VWA3B: variants seen among roughly 807,000 people sequenced by gnomAD.
The protein encoded by VWA3B is von Willebrand factor A domain-containing protein 3B.
A neutral mutation model predicts 158.3 loss-of-function variants in VWA3B; 138 were observed. That is an observed-to-expected ratio of 0.87 (90% CI 0.76 to 1.00). The LOEUF is 1.00. Ranked by LOEUF, VWA3B falls within the 50% of genes least tolerant of loss-of-function variation. The probability of loss-of-function intolerance (pLI) is 0.00; values close to 1 mark genes in which losing one functional copy is unlikely to be tolerated. For synonymous variants in VWA3B, 596 were observed against 587.3 expected (o/e 1.01, Z -0.21); for missense variants, 1,555 against 1,565.1 (o/e 0.99, Z 0.11).
chr2:98,211,949 C>A lies in VWA3B; in HGVS notation c.1757C>A (p.Thr586Asn). The A allele has an allele frequency of 6.2e-7, 1 of 1,614,102 alleles. No individual in the cohort carries two copies. The highest frequency in any genetic ancestry group is 8.5e-7 in the Non-Finnish European group (1 of 1,179,996). The change falls in exon 13 of 28, where the codon ACC becomes AAC. Residue 586 changes from threonine (T) to asparagine (N), a missense_variant. Physicochemically the swap from Thr to Asn is moderately conservative, Grantham distance 65. Coordinates refer to ENST00000477737, the MANE Select transcript of VWA3B (RefSeq NM_144992.5). Reference sequence around the variant, plus strand: ...CCGTAGATTGGAAGCTCCACAAACACCCTGAGTGCCCTGAAAACTGCTTTT... The same window carrying A: ...CCGTAGATTGGAAGCTCCACAAACAACCTGAGTGCCCTGAAAACTGCTTTT... Reference protein sequence around the residue: ...RDIKIGSSTNTLSALKTAFAD... With the variant: ...RDIKIGSSTNNLSALKTAFAD...
In VWA3B at chr2:98,143,630, G is replaced by A. The variant is rs1003765069; in HGVS notation, c.988+9691G>A. On this transcript the variant is annotated intron_variant, in intron 7 of 27. Transcript: ENST00000477737. The stretch of plus-strand genomic sequence containing the variant: ...CCTATATTCAGGGAACTCAAATATA[G>A]TAAAATAAAAAAAACCTGGGCTTTG... 4.0e-5 allele frequency among the ~76,000 whole-genome samples: 6 copies of A among 151,864 alleles called. No individual in the cohort carries two copies. In the East Asian group the frequency reaches 5.8e-4, roughly 15 times the overall value.
Position 98,312,049 on chromosome 2 carries a change from G to T in VWA3B, c.3735+17G>T, listed in dbSNP as rs767767311. On this transcript the variant is annotated intron_variant, in intron 27 of 27. Coordinates refer to ENST00000477737, the MANE Select transcript of VWA3B (RefSeq NM_144992.5). ...GAGCCCAGGGTTTGGGTGATGGGGG[G>T]GGAACACAACATCGCTTATCTCAGG... is the stretch of plus-strand genomic sequence containing the variant. 29 of 1,592,068 alleles carry T rather than the reference G, an allele frequency of 1.8e-5. No individual in the cohort carries two copies. The highest frequency in any genetic ancestry group is 4.0e-5 in the African/African-American group (3 of 74,312).
chr2:98,255,976 C>T (rs1687109139), intron 20 of VWA3B, 148 bp from the exon 21 acceptor site: 2 of 767,040 alleles, frequency 2.6e-6, no homozygotes, highest in South Asian at 3.8e-5. Context: ...GCTGAGGTGA[C>T]ACATCCAGTG....
chr2:98,262,157 T>A (rs993950942), intron 21 of VWA3B, among the ~76,000 whole-genome samples: 1 of 151,786 alleles, frequency 6.6e-6, no homozygotes, highest in African/African-American at 2.4e-5. Flanking sequence ...GTAGGAGTTG[T>A]TTATATATTC....
chr2:98,320,939 G>A, the VWA3B span, among the ~76,000 whole-genome samples: 1 of 152,270 alleles, frequency 6.6e-6, no homozygotes, highest in East Asian at 1.9e-4. Context: ...AGACCTTCAT[G>A]GCAGCCCCTC....
At chr2:98,314,155 G>A (rs1292675386), downstream of VWA3B, among the ~76,000 whole-genome samples, 2 of 152,188 alleles carry the variant, frequency 1.3e-5, no homozygotes, top group South Asian at 2.1e-4. Context: ...CCCAAACACA[G>A]CCCGGCAGCC....
intron 23 of VWA3B, chr2:98,292,151 G>A (rs1482389075): frequency 3.3e-5 from 5 of 151,424 alleles, no homozygotes; most frequent in East Asian, 3.9e-4. Context: ...ACTGAACCAG[G>A]AGAATCACTA....
chr2:98,133,979 G>A (rs756521062), intron 7 of VWA3B, 40 bp downstream of exon 7: 34 of 1,550,624 alleles, frequency 2.2e-5, no homozygotes, highest in South Asian at 7.8e-5. Context: ...CTTATGTCCC[G>A]AATAGCCTCA....
intron 7 of VWA3B, among the ~76,000 whole-genome samples, chr2:98,136,388 T>C (rs923630714): frequency 6.6e-6 from 1 of 152,154 alleles, no homozygotes; most frequent in Non-Finnish European, 1.5e-5. Flanking sequence ...TGTCTATGTC[T>C]GTTCATGCTG....
At chr2:98,133,625 A>G in intron 6 of VWA3B, 199 bp from the exon 7 acceptor site, 2 of 544,966 alleles carry the variant, frequency 3.7e-6, no homozygotes, top group Admixed American at 3.2e-5. Flanking sequence ...ATCCCACATC[A>G]TTCACAATTC....
intron 12 of VWA3B, among the ~76,000 whole-genome samples, 153 bp from the exon 13 acceptor site, chr2:98,211,777 G>C (rs1574091995): frequency 6.6e-6 from 1 of 152,188 alleles, no homozygotes; most frequent in Non-Finnish European, 1.5e-5. Flanking sequence ...ATGTTTCTTG[G>C]AATCACTGGG....
chr2:98,234,703 T>A lies in VWA3B; in HGVS notation c.2364T>A (p.Ala788=), dbSNP rs1245568820. ...AGATGTCCTCCCTCAGGAGCTCAGC[T>A]TGCAGTGAAAGGAAGGATGGCCTCT... ...RSQMSSLRSS[A]CSERKDGLSN... Residue 788 remains alanine, a synonymous_variant, in exon 17 of 28, where the codon GCT becomes GCA. Transcript: ENST00000477737. 6.2e-7 allele frequency: 1 copy of A among 1,614,228 alleles called. No individual in the cohort carries two copies. Among genetic ancestry groups the A allele is most frequent in the African/African-American group, 1.3e-5 (1 of 75,060 alleles).
chr2:98,318,558 A>C, the VWA3B span, among the ~76,000 whole-genome samples: 1 of 152,146 alleles, frequency 6.6e-6, no homozygotes, highest in African/African-American at 2.4e-5. Context: ...AACAAAACAC[A>C]CTGTGGCGTA....
chr2:98,224,905 T>TAA (rs1459392865), intron 14 of VWA3B, among the ~76,000 whole-genome samples: 2 of 152,256 alleles, frequency 1.3e-5, no homozygotes, highest in African/African-American at 4.8e-5. Flanking sequence ...AGCAATGTAT[T>TAA]AAAAATTATA....
intron 22 of VWA3B, among the ~76,000 whole-genome samples, chr2:98,280,546 C>G (rs189303691): frequency 3.3e-5 from 5 of 152,208 alleles, no homozygotes; most frequent in Non-Finnish European, 7.3e-5. Flanking sequence ...TCTTGTGCCT[C>G]TTAGCCATTC....
chr2:98,100,696 CT>C (rs776920832), intron 2 of VWA3B, among the ~76,000 whole-genome samples: 1 of 152,158 alleles, frequency 6.6e-6, no homozygotes, highest in Non-Finnish European at 1.5e-5. Context: ...CTGGATTTTC[CT>C]GTGTCAGGCC....
chr2:98,151,275 G>GCTAATTTT (rs1677609285), intron 7 of VWA3B, among the ~76,000 whole-genome samples: 1 of 152,150 alleles, frequency 6.6e-6, no homozygotes. Context: ...ATGATGCCCA[G>GCTAATTTT]CTAATTTTGT....
At chr2:98,098,921 A>G (rs1352715328) in intron 2 of VWA3B, among the ~76,000 whole-genome samples, 1 of 152,160 alleles carries the variant, frequency 6.6e-6, no homozygotes, top group African/African-American at 2.4e-5. Flanking sequence ...ACCATCTTAT[A>G]GTTATAAGAA....
chr2:98,111,762 T>G (rs1026184054), intron 2 of VWA3B, among the ~76,000 whole-genome samples: 1 of 152,164 alleles, frequency 6.6e-6, no homozygotes, highest in African/African-American at 2.4e-5. Flanking sequence ...GCTTGCTGAA[T>G]AGTTTAACTT....
Sources: allele counts gnomAD v4.1 joint callset (sites outside exome capture counted in the v4.1 genomes callset), GRCh38; gene constraint gnomAD v4.1.1; transcripts MANE v1.5; gene names NCBI Gene and HGNC (gene_info 2026-07-23, HGNC 2026-07-21).